TANGO6: variants seen among roughly 807,000 people sequenced by gnomAD.
TANGO6 encodes the protein transport and Golgi organization protein 6 homolog.
A neutral mutation model predicts 114.2 loss-of-function variants in TANGO6; 90 were observed. The ratio of observed to expected loss-of-function variants is 0.79; its 90% CI spans 0.66 to 0.94. TANGO6 has a LOEUF of 0.94. Among genes scored for constraint, TANGO6 ranks in the 40% least tolerant of loss-of-function variants. The probability of loss-of-function intolerance (pLI) is 0.00; values close to 1 mark genes in which losing one functional copy is unlikely to be tolerated. For synonymous variants in TANGO6, 477 were observed against 509.8 expected, an observed-to-expected ratio of 0.94 and a Z score of 0.87; for missense variants, 1,274 against 1,315.3, an observed-to-expected ratio of 0.97 and a Z score of 0.49.
At chr16:68,947,452 C>G (rs1318617797) in intron 14 of TANGO6, among the ~76,000 whole-genome samples, 1 of 140,518 alleles carries the variant, frequency 7.1e-6, no homozygotes, top group Non-Finnish European at 1.5e-5. Context: ...GACTCCGTCT[C>G]AAAAAAAAAA....
rs2152246665 is a variant in TANGO6, at chr16:69,083,883, A to G, written c.*222A>G. On this transcript the variant is annotated 3_prime_UTR_variant, in exon 18 of 18. Transcript: ENST00000261778. ...GAGGGGTGTACAGTTAAGAGAAGAC[A>G]GTTACAGATCTCATTAATCTACATT... The G allele has an allele frequency of 2.1e-6, 1 of 475,084 alleles. No homozygotes were observed. The highest frequency in any genetic ancestry group is 3.7e-6 in the Non-Finnish European group (1 of 267,230). The allele number at this position is 475,084 out of a possible 1,614,324, so 29.4% of individuals were successfully genotyped here. A position where few individuals can be genotyped will look rare whatever the true frequency, so the allele number is the denominator to read the frequency against.
chr16:69,062,787 TAA>T (rs35731381), intron 17 of TANGO6, among the ~76,000 whole-genome samples: 10 of 113,718 alleles, frequency 8.8e-5, no homozygotes, highest in Non-Finnish European at 1.2e-4. Flanking sequence ...AAAAGAAATT[TAA>T]AAAAAAAAAA....
At chr16:69,049,703 A>G (rs1597072071) in intron 17 of TANGO6, among the ~76,000 whole-genome samples, 1 of 149,520 alleles carries the variant, frequency 6.7e-6, no homozygotes, top group South Asian at 2.1e-4. Flanking sequence ...GCCTCCCAAA[A>G]TGCTAGGATT....
intron 16 of TANGO6, among the ~76,000 whole-genome samples, chr16:69,031,087 T>A (rs1353426595): frequency 2.6e-5 from 4 of 152,046 alleles, no homozygotes; most frequent in South Asian, 2.1e-4. Context: ...TTTAAAAATT[T>A]AAAAATTTTT....
At chr16:68,950,232 A>G (rs1043833942) in intron 14 of TANGO6, among the ~76,000 whole-genome samples, 4 of 152,228 alleles carry the variant, frequency 2.6e-5, no homozygotes, top group African/African-American at 9.6e-5. Context: ...ATTATTGCAC[A>G]GCCTGGTAAA....
chr16:68,854,444 CA>C (rs1055111721), intron 1 of TANGO6, among the ~76,000 whole-genome samples: 8 of 151,480 alleles, frequency 5.3e-5, no homozygotes, highest in Admixed American at 3.9e-4. Context: ...GACCCTGTTG[CA>C]AAAAAAGAAA....
rs145826230 is a variant in TANGO6 at position 68,871,490 on chromosome 16, C to G, written c.995-3664C>G. On this transcript the variant is annotated intron_variant, in intron 4 of 17. Transcript: ENST00000261778. ...ATCTTCAAATATTTTTTTCTGTACT[C>G]CCCTCAGATCTCTCTTTCTGAGATT... Among the ~76,000 whole-genome samples the G allele has an allele frequency of 3.2e-4, 49 of 152,134 alleles. 1 individual carries two copies. The Middle Eastern group carries it at 0.014, about 43-fold the overall frequency.
chr16:69,053,835 G>A (rs1246057943), intron 17 of TANGO6, among the ~76,000 whole-genome samples: 4 of 152,152 alleles, frequency 2.6e-5, no homozygotes, highest in South Asian at 2.1e-4. Context: ...AGGCCAAGGC[G>A]GGTGGATCAC....
intron 15 of TANGO6, among the ~76,000 whole-genome samples, chr16:69,016,482 C>T (rs994791487): frequency 2.0e-5 from 3 of 151,486 alleles, no homozygotes; most frequent in Non-Finnish European, 2.9e-5. Flanking sequence ...TCATGATGTT[C>T]CTTCTTTTAT....
chr16:69,002,926 C>G (rs185813805), intron 15 of TANGO6, among the ~76,000 whole-genome samples: 513 of 151,948 alleles, frequency 3.4e-3, no homozygotes, highest in Middle Eastern at 0.01. Context: ...CCTATAGTCC[C>G]AGCTACTCGG....
intron 15 of TANGO6, among the ~76,000 whole-genome samples, chr16:69,009,110 T>C (rs1371499855): frequency 6.9e-6 from 1 of 144,284 alleles, no homozygotes; most frequent in Non-Finnish European, 1.5e-5. Flanking sequence ...AGACGGAGTC[T>C]TGCTCTGTAT....
At chr16:68,868,490 C>CTCTTTTTTTT (rs1596996308) in intron 4 of TANGO6, among the ~76,000 whole-genome samples, 1 of 121,946 alleles carries the variant, frequency 8.2e-6, no homozygotes, top group Non-Finnish European at 1.8e-5. Context: ...CTCTATATTT[C>CTCTTTTTTTT]TATTTTTTTT....
chr16:68,903,338 G>A (rs1962808091), intron 9 of TANGO6, among the ~76,000 whole-genome samples: 2 of 152,098 alleles, frequency 1.3e-5, no homozygotes, highest in South Asian at 4.1e-4. Flanking sequence ...GATGTTTTTG[G>A]CCAGGCACGG....
chr16:68,923,269 T>A (rs918360264), intron 12 of TANGO6, among the ~76,000 whole-genome samples: 1 of 152,058 alleles, frequency 6.6e-6, no homozygotes, highest in Admixed American at 6.6e-5. Flanking sequence ...GCTTAGGTCA[T>A]GTTTTTGATC....
chr16:69,010,731 A>G (rs1227039523), intron 15 of TANGO6, among the ~76,000 whole-genome samples: 1 of 152,120 alleles, frequency 6.6e-6, no homozygotes, highest in Non-Finnish European at 1.5e-5. Flanking sequence ...TAGTACCTCT[A>G]ACTTCCTAGA....
intron 16 of TANGO6, among the ~76,000 whole-genome samples, chr16:69,027,560 T>C (rs2152229893): frequency 6.6e-6 from 1 of 152,234 alleles, no homozygotes; most frequent in Non-Finnish European, 1.5e-5. Context: ...TCTTGTTCTT[T>C]AGTATTATTA....
chr16:68,843,763 C>T (rs1437937121), intron 1 of TANGO6, 52 bp downstream of exon 1: 2 of 1,582,042 alleles, frequency 1.3e-6, no homozygotes, highest in Non-Finnish European at 1.7e-6. Context: ...TCAGGGCCGC[C>T]CGGCTTCCGG....
intron 15 of TANGO6, among the ~76,000 whole-genome samples, chr16:69,021,765 G>A (rs752219033): frequency 1.3e-5 from 2 of 152,100 alleles, no homozygotes; most frequent in African/African-American, 4.8e-5. Flanking sequence ...CTAGCCTGGG[G>A]GCCACACTTT....
At chr16:68,972,190 T>G (rs1222856670) in intron 14 of TANGO6, among the ~76,000 whole-genome samples, 1 of 151,874 alleles carries the variant, frequency 6.6e-6, no homozygotes, top group Non-Finnish European at 1.5e-5. Flanking sequence ...AGGTGCAGGC[T>G]TAGGACCACA....
Sources: gnomAD v4.1 joint callset for allele counts (sites outside exome capture counted in the v4.1 genomes callset) on GRCh38, gnomAD v4.1.1 for gene constraint, MANE v1.5 for transcripts, NCBI Gene and HGNC (gene_info 2026-07-23, HGNC 2026-07-21) for gene names.